CACNA1H: variants seen among roughly 807,000 people sequenced by gnomAD.
The protein encoded by CACNA1H is calcium voltage-gated channel subunit alpha1 H, also known as voltage-dependent T-type calcium channel subunit alpha-1H.
CACNA1H carries 149 observed loss-of-function variants against 192.5 expected under a neutral mutation model. The ratio of observed to expected loss-of-function variants is 0.77; its 90% confidence interval spans 0.68 to 0.89. The LOEUF (loss-of-function observed/expected upper bound fraction) is 0.89, where lower values mean the gene tolerates loss of function less well. Ranked by LOEUF, CACNA1H falls within the 40% of genes least tolerant of loss-of-function variation. The probability of loss-of-function intolerance (pLI) is 0.00; values close to 1 mark genes in which losing one functional copy is unlikely to be tolerated. For missense variants in CACNA1H, 4,257 were observed against 3,423.5 expected (o/e 1.24, Z -6.08); for synonymous variants, 2,202 against 1,475.2 (o/e 1.49, Z -11.29).
Position 1,216,852 on chromosome 16 carries a change from G to T in CACNA1H, c.5245-80G>T, listed in dbSNP as rs981200754. The T allele has an allele frequency of 5.2e-6, 6 of 1,157,154 alleles. No homozygotes were observed. The African/African-American group carries it at 6.1e-5, about 12-fold the overall frequency. 71.7% of individuals were successfully genotyped at this position (1,157,154 alleles called of 1,614,324 possible). On this transcript the variant is annotated intron_variant, in intron 30 of 34. Coordinates refer to ENST00000348261, the MANE Select transcript of CACNA1H (RefSeq NM_021098.3). ...GGTGGGCAGGTGGGGTCTGGTGGCC[G>T]AGGCGCCGAGTGCCCTGCAGGGTGG...
Position 1,213,853 on chromosome 16 carries a change from C to G in CACNA1H, c.4851C>G (p.His1617Gln), listed in dbSNP as rs534178272. 3.7e-6 allele frequency: 6 copies of G among 1,608,764 alleles called. No individual in the cohort carries two copies. The African/African-American group carries it at 4.0e-5, about 11-fold the overall frequency. ...RRSIHSLCTS[H>Q]YLDLFITFII... ...CCATTCACTCGCTGTGCACCAGCCA[C>G]TATCTCGACCTCTTCATCACCTTCA... Residue 1617 changes from histidine to glutamine, a missense_variant, in exon 27 of 35, where the codon CAC (histidine) becomes CAG (glutamine). Transcript: ENST00000348261.
At chr16:1,175,843 C>T (rs1424234713) in intron 2 of CACNA1H, among the ~76,000 whole-genome samples, 3 of 152,174 alleles carry the variant, frequency 2.0e-5, no homozygotes, top group East Asian at 3.9e-4. Context: ...CGTTGAGGGG[C>T]GTGTGCCAGT....
intron 9 of CACNA1H, among the ~76,000 whole-genome samples, chr16:1,203,051 A>G (rs2141269264): frequency 6.6e-6 from 1 of 152,208 alleles, no homozygotes; most frequent in East Asian, 1.9e-4. Context: ...CTGTACACAG[A>G]TGTAGAGACG....
chr16:1,187,509 G>A (rs982761268), intron 2 of CACNA1H, among the ~76,000 whole-genome samples: 2 of 152,252 alleles, frequency 1.3e-5, no homozygotes, highest in Admixed American at 6.5e-5. Flanking sequence ...GTGCCCAGCT[G>A]TTGCAGATTT....
In CACNA1H at chr16:1,168,198, C is replaced by G. The variant is rs911169550; in HGVS notation, c.299+14162C>G. Among the ~76,000 whole-genome samples, 2 of 151,974 alleles carry G rather than the reference C, an allele frequency of 1.3e-5. 1 individual carries two copies. The highest frequency in any genetic ancestry group is 4.2e-4 in the South Asian group (2 of 4,812). The stretch of plus-strand genomic sequence containing the variant: ...TTGGGGCGGTTGATGTGGGATCCCC[C>G]CCCCCAAGTGACAGTTTCTGCCCAG... On this transcript the variant is annotated intron_variant, in intron 2 of 34. Coordinates refer to ENST00000348261, the MANE Select transcript of CACNA1H (RefSeq NM_021098.3).
chr16:1,155,195 C>G (rs543838954), intron 2 of CACNA1H, among the ~76,000 whole-genome samples: 1 of 152,234 alleles, frequency 6.6e-6, no homozygotes. Flanking sequence ...TCAGACTCAT[C>G]TCTGCTTGTA....
Position 1,211,155 on chromosome 16 carries a change from C to T in CACNA1H, c.4224-13C>T. 1 of 1,611,834 alleles carries T rather than the reference C, an allele frequency of 6.2e-7. No homozygotes were observed. Among genetic ancestry groups the T allele is most frequent in the Non-Finnish European group, 8.5e-7 (1 of 1,179,282 alleles). On this transcript the variant is annotated splice_polypyrimidine_tract_variant and intron_variant, in intron 21 of 34. Transcript: ENST00000348261. Reference sequence around the variant, plus strand: ...CCATAGATGACTGCAGTGTATCCTTCACTCCCCTCCAGGGTCATCAGCCGG... The same window carrying T: ...CCATAGATGACTGCAGTGTATCCTTTACTCCCCTCCAGGGTCATCAGCCGG...
rs72552038 is a variant in CACNA1H at position 1,211,086 on chromosome 16, C to A, written c.4224-82C>A. On this transcript the variant is annotated intron_variant, in intron 21 of 34. Transcript: ENST00000348261. ...TTCGCAGGCCGCCCACTCGGCCCCACCTTGGGACCTTTGCTGAGCTCTGCC... is the reference window on the plus strand; with the variant it reads ...TTCGCAGGCCGCCCACTCGGCCCCAACTTGGGACCTTTGCTGAGCTCTGCC... 93,778 of 1,573,244 alleles carry A rather than the reference C, an allele frequency of 0.06. 3,280 individuals are homozygous for A. The highest frequency in any genetic ancestry group is 0.09 in the Middle Eastern group (449 of 4,988).
At chr16:1,219,375 G>A (rs1006230858) in intron 34 of CACNA1H, among the ~76,000 whole-genome samples, 2 of 152,202 alleles carry the variant, frequency 1.3e-5, no homozygotes, top group African/African-American at 2.4e-5. Flanking sequence ...AGTCTTCTTG[G>A]ACCCACAGCT....
intron 2 of CACNA1H, among the ~76,000 whole-genome samples, chr16:1,184,014 G>A (rs2151768965): frequency 6.6e-6 from 1 of 152,344 alleles, no homozygotes; most frequent in African/African-American, 2.4e-5. Flanking sequence ...TCGGATGCCA[G>A]GGACAGAAGA....
rs2141386055 is a variant in CACNA1H, at chr16:1,216,975, A to G, written c.5288A>G (p.Tyr1763Cys). 3.1e-6 allele frequency: 5 copies of G among 1,602,860 alleles called. No individual in the cohort carries two copies. The highest frequency in any genetic ancestry group is 2.2e-5 in the East Asian group (1 of 44,472). ...GLLFMLLFFI[Y>C]AALGVELFGR... ...CTTTTCATGCTCCTGTTTTTTATCT[A>G]TGCTGCGCTGGGAGTGGAGCTGTTC... is the stretch of plus-strand genomic sequence containing the variant. Residue 1763 changes from tyrosine (Y) to cysteine (C), a missense_variant, in exon 31 of 35, where the codon TAT (tyrosine) becomes TGT (cysteine). Physicochemically the swap from Tyr to Cys is radical, Grantham distance 194. Transcript: ENST00000348261.
chr16:1,153,622 G>C (rs1961871577), intron 1 of CACNA1H, 98 bp from the exon 2 acceptor site: 1 of 732,210 alleles, frequency 1.4e-6, no homozygotes, highest in African/African-American at 1.9e-5. Context: ...AAAAGACAAA[G>C]ACATCCCGGC....
At chr16:1,153,661 C>A (rs1353423501) in intron 1 of CACNA1H, 59 bp from the exon 2 acceptor site, 2 of 1,069,924 alleles carry the variant, frequency 1.9e-6, no homozygotes, top group African/African-American at 1.7e-5. Flanking sequence ...AGCTCCGCGC[C>A]GCGGGAGGCA....
intron 32 of CACNA1H, 53 bp from the exon 33 acceptor site, chr16:1,218,157 G>A: frequency 6.5e-7 from 1 of 1,534,454 alleles, no homozygotes; most frequent in Non-Finnish European, 8.8e-7. Context: ...CACTGCCAGG[G>A]TGGCACCCGC....
At chr16:1,196,451 T>A (rs1228863610) in intron 5 of CACNA1H, among the ~76,000 whole-genome samples, 26 of 152,180 alleles carry the variant, frequency 1.7e-4, no homozygotes, top group Admixed American at 1.7e-3. Context: ...AAGCCCCGCC[T>A]TCACACCCAC....
At chr16:1,205,043 C>G (rs1415221549) in intron 10 of CACNA1H, 71 bp from the exon 11 acceptor site, 1 of 1,302,826 alleles carries the variant, frequency 7.7e-7, no homozygotes, top group Non-Finnish European at 1.1e-6. Flanking sequence ...GGTGGGGGCC[C>G]CAGATCAGTG....
At position 1,180,513 on chromosome 16, in the gene CACNA1H, C is replaced by A. The variant is rs1422112596; in HGVS notation, c.300-14459C>A. On this transcript the variant is annotated intron_variant, in intron 2 of 34. Transcript: ENST00000348261. The surrounding 1 kb of genome is among the most constrained non-coding windows in gnomAD (Gnocchi z 4.4). ...TGGTGTCCCTGGCGTCCCCATACCC[C>A]CTCCGAGGCACAGCCACAGTCTCTG... Among the ~76,000 whole-genome samples, 1 of 152,150 alleles carries A rather than the reference C, an allele frequency of 6.6e-6. No homozygotes were observed. The highest frequency in any genetic ancestry group is 1.5e-5 in the Non-Finnish European group (1 of 68,002).
At chr16:1,199,121 C>T (rs1967404422) in intron 6 of CACNA1H, among the ~76,000 whole-genome samples, 1 of 53,470 alleles carries the variant, frequency 1.9e-5, no homozygotes, top group Non-Finnish European at 4.3e-5. Context: ...TGCACATATG[C>T]CCCACCCCCA....
intron 17 of CACNA1H, 73 bp from the exon 18 acceptor site, chr16:1,209,962 G>A (rs1275605438): frequency 3.5e-6 from 4 of 1,148,838 alleles, no homozygotes; most frequent in Non-Finnish European, 3.7e-6. Context: ...TGGCCGAGCT[G>A]AGCACAGAGG....
Sources: allele counts gnomAD v4.1 joint callset (sites outside exome capture counted in the v4.1 genomes callset), GRCh38; gene constraint gnomAD v4.1.1; non-coding constraint Gnocchi (gnomAD v3.1); transcripts MANE v1.5; gene names NCBI Gene and HGNC (gene_info 2026-07-23, HGNC 2026-07-21).